The following CERS6 variants were observed in gnomAD, a reference collection of about 807,000 sequenced individuals.
CERS6 encodes LAG1 homolog, ceramide synthase 6.
CERS6 carries 26 observed loss-of-function variants against 56.8 expected under a neutral mutation model. That is an observed-to-expected ratio of 0.46 (90% confidence interval 0.34 to 0.63). CERS6 has a LOEUF of 0.63. CERS6 is among the 30% of genes least tolerant of loss of function. The pLI is 0.01. For synonymous variants in CERS6, 164 were observed against 173.3 expected (o/e 0.95, Z 0.42); for missense variants, 415 against 467.5 (o/e 0.89, Z 1.04).
chr2:168,631,915 GTCTC>G (rs201129407), intron 4 of CERS6, among the ~76,000 whole-genome samples: 9 of 136,328 alleles, frequency 6.6e-5, no homozygotes, highest in Non-Finnish European at 9.3e-5. Flanking sequence ...TATAATATCT[GTCTC>G]TCTCTCTCTC....
At chr2:168,750,497 A>G (rs898807387) in intron 8 of CERS6, among the ~76,000 whole-genome samples, 1 of 152,202 alleles carries the variant, frequency 6.6e-6, no homozygotes, top group African/African-American at 2.4e-5. Flanking sequence ...CCAAAGTAAG[A>G]TCATCCTGCA....
chr2:168,694,889 G>T, intron 5 of CERS6, 70 bp from the exon 6 acceptor site: 1 of 1,190,294 alleles, frequency 8.4e-7, no homozygotes, highest in South Asian at 1.2e-5. Context: ...CAGTGAGCTT[G>T]AGATGTCTGG....
intron 3 of CERS6, among the ~76,000 whole-genome samples, chr2:168,599,688 A>G (rs941570483): frequency 5.3e-5 from 8 of 152,220 alleles, no homozygotes; most frequent in Non-Finnish European, 1.2e-4. Context: ...GGTTTTATAT[A>G]TGCTTGAGGT....
At chr2:168,596,843 G>A (rs772034439) in intron 3 of CERS6, among the ~76,000 whole-genome samples, 20 of 152,122 alleles carry the variant, frequency 1.3e-4, no homozygotes, top group Non-Finnish European at 2.2e-4. Context: ...CCATCCCTTT[G>A]TTGATGCACA....
intron 8 of CERS6, among the ~76,000 whole-genome samples, chr2:168,721,569 T>TAAACCA (rs1381972673): frequency 7.7e-6 from 1 of 130,710 alleles, no homozygotes; most frequent in Non-Finnish European, 1.6e-5. Flanking sequence ...TTTTTTTGTT[T>TAAACCA]AAAAAAAACC....
chr2:168,616,790 G>A (rs1684329161), intron 3 of CERS6, among the ~76,000 whole-genome samples: 1 of 152,162 alleles, frequency 6.6e-6, no homozygotes, highest in Admixed American at 6.5e-5. Flanking sequence ...TAATAGTGGG[G>A]ACTTCAGTAC....
intron 8 of CERS6, among the ~76,000 whole-genome samples, chr2:168,743,992 T>A (rs1056939351): frequency 5.0e-5 from 6 of 118,926 alleles, no homozygotes; most frequent in African/African-American, 6.9e-5. Flanking sequence ...TTTTCTTTTT[T>A]TTCTTTTTTT....
At chr2:168,510,940 C>T (rs1694768360) in intron 1 of CERS6, among the ~76,000 whole-genome samples, 1 of 152,116 alleles carries the variant, frequency 6.6e-6, no homozygotes, top group African/African-American at 2.4e-5. Flanking sequence ...AAGCAAAGTC[C>T]ACAGCTATAC....
At chr2:168,571,110 G>C (rs1264587372) in intron 3 of CERS6, among the ~76,000 whole-genome samples, 1 of 152,124 alleles carries the variant, frequency 6.6e-6, no homozygotes, top group Non-Finnish European at 1.5e-5. Flanking sequence ...TTACATTTTA[G>C]ATTGTTGAAA....
intron 3 of CERS6, among the ~76,000 whole-genome samples, chr2:168,576,583 A>G (rs1007694370): frequency 2.6e-5 from 4 of 152,192 alleles, no homozygotes; most frequent in African/African-American, 9.7e-5. Flanking sequence ...TTGTTTTGAA[A>G]CAATTTTTTT....
At chr2:168,573,748 G>T (rs551813182) in intron 3 of CERS6, among the ~76,000 whole-genome samples, 2 of 152,216 alleles carry the variant, frequency 1.3e-5, no homozygotes, top group East Asian at 3.9e-4. Context: ...TTCTCTGTGG[G>T]TGGCTGGGGG....
intron 1 of CERS6, among the ~76,000 whole-genome samples, chr2:168,514,968 C>G (rs1694859535): frequency 6.6e-6 from 1 of 152,190 alleles, no homozygotes; most frequent in African/African-American, 2.4e-5. Context: ...TTCTGAGCAA[C>G]TTCCACCATG....
intron 1 of CERS6, among the ~76,000 whole-genome samples, chr2:168,521,689 A>T (rs1655907654): frequency 6.6e-6 from 1 of 152,194 alleles, no homozygotes; most frequent in African/African-American, 2.4e-5. Flanking sequence ...CTAATAAGTG[A>T]CATTAGCAAG....
In CERS6 at chr2:168,488,781, A is replaced by G. The variant is rs370467026; in HGVS notation, c.170+32163A>G. Among the ~76,000 whole-genome samples the G allele has an allele frequency of 5.9e-5, 9 of 152,170 alleles. 1 individual carries two copies. The highest frequency in any genetic ancestry group is 1.4e-4 in the African/African-American group (6 of 41,536). Reference sequence around the variant, plus strand: ...ACACCAAAACTTTCACACTCTACTCAAGAGTTAATGTTATATTCTTTAAGT... The same window carrying G: ...ACACCAAAACTTTCACACTCTACTCGAGAGTTAATGTTATATTCTTTAAGT... On this transcript the variant is annotated intron_variant, in intron 1 of 9. Coordinates refer to ENST00000305747, the MANE Select transcript of CERS6 (RefSeq NM_203463.3).
In CERS6 at chr2:168,691,094, C is replaced by T; in HGVS notation, c.516+10C>T. ...CAACTACCCCTATCAGGTAAGGAGG[C>T]ATTATTGTCTGGGTTTTTACACACA... is the stretch of plus-strand genomic sequence containing the variant. On this transcript the variant is annotated intron_variant, in intron 5 of 9. Coordinates refer to ENST00000305747, the MANE Select transcript of CERS6 (RefSeq NM_203463.3). 1 of 1,611,728 alleles carries T rather than the reference C, an allele frequency of 6.2e-7. No individual in the cohort carries two copies. Among genetic ancestry groups the T allele is most frequent in the Non-Finnish European group, 8.5e-7 (1 of 1,178,066 alleles).
At chr2:168,675,709 A>C (rs1438208232) in intron 4 of CERS6, among the ~76,000 whole-genome samples, 1 of 151,548 alleles carries the variant, frequency 6.6e-6, no homozygotes, top group East Asian at 2.0e-4. Context: ...TTTTTATGAG[A>C]TGGAGTCTTG....
At position 168,694,950 on chromosome 2, in the gene CERS6, C is replaced by T; in HGVS notation, c.517-9C>T. On this transcript the variant is annotated splice_polypyrimidine_tract_variant and intron_variant, in intron 5 of 9. Coordinates refer to ENST00000305747, the MANE Select transcript of CERS6 (RefSeq NM_203463.3). ...TACTAATCATTCCTTTTTTTTCTTT[C>T]ACCTTCAGCCACTCACAACTGACCT... 5 of 1,597,940 alleles carry T rather than the reference C, an allele frequency of 3.1e-6. No individual in the cohort carries two copies. Among genetic ancestry groups the T allele is most frequent in the Middle Eastern group, 1.7e-4 (1 of 5,952 alleles).
intron 4 of CERS6, among the ~76,000 whole-genome samples, chr2:168,670,782 T>C (rs1183671487): frequency 6.6e-6 from 1 of 152,228 alleles, no homozygotes; most frequent in African/African-American, 2.4e-5. Context: ...CTGTCCTCCT[T>C]AGCTTTCATT....
chr2:168,714,376 C>T (rs1345547985), intron 6 of CERS6, among the ~76,000 whole-genome samples: 1 of 152,190 alleles, frequency 6.6e-6, no homozygotes, highest in African/African-American at 2.4e-5. Flanking sequence ...CATACGATGC[C>T]CTTTTCCTCT....
Sources: gnomAD v4.1 joint callset for allele counts (sites outside exome capture counted in the v4.1 genomes callset) on GRCh38, gnomAD v4.1.1 for gene constraint, MANE v1.5 for transcripts, NCBI Gene and HGNC (gene_info 2026-07-23, HGNC 2026-07-21) for gene names.